USP32: variants seen among roughly 807,000 people sequenced by gnomAD.
The protein encoded by USP32 is ubiquitin specific peptidase 32, also known as ubiquitin carboxyl-terminal hydrolase 32.
USP32 carries 59 observed loss-of-function variants against 204.8 expected under a neutral mutation model. The observed-to-expected ratio is 0.29, with a 90% CI of 0.23 to 0.36. The LOEUF (loss-of-function observed/expected upper bound fraction) is 0.36. Among genes scored for constraint, USP32 ranks in the 10% least tolerant of loss-of-function variants. The pLI is 1.00. For missense variants in USP32, 1,160 were observed against 1,946.4 expected (o/e 0.60, Z 7.60); for synonymous variants, 517 against 678.4 (o/e 0.76, Z 3.70).
chr17:60,422,013 T>TACCCAGC (rs111330712), intron 1 of USP32: 43,521 of 908,084 alleles, frequency 0.048, 5,073 homozygotes, highest in African/African-American at 0.4. Context: ...TCCCACCCAG[T>TACCCAGC]ACCCAGCACC....
At chr17:60,286,260 A>C (rs546894997) in intron 5 of USP32, among the ~76,000 whole-genome samples, 1 of 152,194 alleles carries the variant, frequency 6.6e-6, no homozygotes, top group South Asian at 2.1e-4. Flanking sequence ...CCAAACATTC[A>C]TGATTATCTG....
rs1036213804 is a variant in USP32 at position 60,185,182 on chromosome 17, G to A, written c.3834+278C>T. Among the ~76,000 whole-genome samples, 4 of 152,166 alleles carry A rather than the reference G, an allele frequency of 2.6e-5. 1 individual carries two copies. In the East Asian group the frequency reaches 7.7e-4, roughly 29 times the overall value. ...CTCTCTTGAAGTTCAAATTCACCAC[G>A]TTGTACCCCTTGTGGCAGTTCTCAC... On this transcript the variant is annotated intron_variant, in intron 30 of 33. Coordinates refer to ENST00000300896, the MANE Select transcript of USP32 (RefSeq NM_032582.4).
chr17:60,352,547 G>GT (rs1245413780), intron 1 of USP32, among the ~76,000 whole-genome samples: 1 of 152,034 alleles, frequency 6.6e-6, no homozygotes, highest in Admixed American at 6.6e-5. Flanking sequence ...ACTGATAAAG[G>GT]TATCAGGTAC....
At chr17:60,226,773 T>C (rs1233368744) in intron 12 of USP32, among the ~76,000 whole-genome samples, 2 of 152,130 alleles carry the variant, frequency 1.3e-5, no homozygotes, top group East Asian at 3.9e-4. Flanking sequence ...TATACCTATG[T>C]GACCTTCTAC....
At chr17:60,248,782 G>A (rs1239638753) in intron 11 of USP32, among the ~76,000 whole-genome samples, 4 of 152,114 alleles carry the variant, frequency 2.6e-5, no homozygotes, top group Non-Finnish European at 5.9e-5. Flanking sequence ...TGAAGTCTTT[G>A]TGTGCTAAGG....
chr17:60,340,052 G>A (rs149054239), intron 2 of USP32, among the ~76,000 whole-genome samples: 1,570 of 152,128 alleles, frequency 0.01, 12 homozygotes, highest in Non-Finnish European at 0.018. Context: ...GAATAATGAT[G>A]CTCTGTTTAC....
chr17:60,254,062 T>G (rs116859201), intron 10 of USP32, among the ~76,000 whole-genome samples: 2,309 of 152,312 alleles, frequency 0.015, 28 homozygotes, highest in Non-Finnish European at 0.025. Context: ...TTGTTTAAAA[T>G]GGTAGATCAT....
intron 4 of USP32, among the ~76,000 whole-genome samples, chr17:60,291,840 A>T (rs1473718116): frequency 2.0e-5 from 3 of 152,120 alleles, no homozygotes; most frequent in African/African-American, 7.2e-5. Context: ...AGATCTTATT[A>T]AAAACACCAC....
At chr17:60,300,714 C>T (rs1443155264) in intron 3 of USP32, among the ~76,000 whole-genome samples, 2 of 151,880 alleles carry the variant, frequency 1.3e-5, no homozygotes, top group Admixed American at 1.3e-4. Context: ...TAAAATTCAC[C>T]CTTTTAAAAT....
intron 1 of USP32, among the ~76,000 whole-genome samples, chr17:60,364,183 C>T (rs1417818012): frequency 6.6e-6 from 1 of 152,122 alleles, no homozygotes; most frequent in African/African-American, 2.4e-5. Flanking sequence ...AAAGCAAGTT[C>T]TCTCAGGCCT....
At chr17:60,278,210 T>TA (rs565709644) in intron 5 of USP32, among the ~76,000 whole-genome samples, 22 of 152,168 alleles carry the variant, frequency 1.4e-4, no homozygotes, top group African/African-American at 4.8e-4. Context: ...AGACAATAAA[T>TA]AAAAATTTTA....
chr17:60,315,622 T>G (rs1243686765), intron 2 of USP32, among the ~76,000 whole-genome samples: 1 of 152,104 alleles, frequency 6.6e-6, no homozygotes, highest in African/African-American at 2.4e-5. Flanking sequence ...GATACTTGTA[T>G]GCCAATATTC....
chr17:60,366,323 T>A (rs2089312730), intron 1 of USP32, among the ~76,000 whole-genome samples: 1 of 152,034 alleles, frequency 6.6e-6, no homozygotes, highest in Non-Finnish European at 1.5e-5. Context: ...CAGGCCCAGC[T>A]AATTTTTGTA....
intron 4 of USP32, among the ~76,000 whole-genome samples, chr17:60,292,286 C>A (rs1019180524): frequency 6.6e-6 from 1 of 152,086 alleles, no homozygotes; most frequent in Non-Finnish European, 1.5e-5. Flanking sequence ...TGTTTTCTAT[C>A]TAAACTTACT....
chr17:60,234,850 T>G (rs529750018), intron 12 of USP32, among the ~76,000 whole-genome samples: 24 of 152,254 alleles, frequency 1.6e-4, no homozygotes, highest in African/African-American at 5.8e-4. Flanking sequence ...GTCCCGAGAT[T>G]ACAGGCCCAG....
intron 2 of USP32, among the ~76,000 whole-genome samples, chr17:60,327,365 C>G (rs1313560574): frequency 1.3e-5 from 2 of 149,012 alleles, no homozygotes; most frequent in African/African-American, 4.9e-5. Flanking sequence ...CTGTGCTCCA[C>G]GTCACCGAAG....
At chr17:60,387,945 G>GCA (rs2089759200) in intron 1 of USP32, among the ~76,000 whole-genome samples, 1 of 152,052 alleles carries the variant, frequency 6.6e-6, no homozygotes. Context: ...TATAGCTTCT[G>GCA]CACCATCGTA....
At chr17:60,191,847 G>A (rs2084390171) in intron 28 of USP32, among the ~76,000 whole-genome samples, 1 of 152,146 alleles carries the variant, frequency 6.6e-6, no homozygotes, top group Admixed American at 6.5e-5. Context: ...GTCTATTGCA[G>A]TTCTCTAAAG....
intron 29 of USP32, among the ~76,000 whole-genome samples, chr17:60,186,603 T>C (rs934589338): frequency 6.6e-6 from 1 of 152,222 alleles, no homozygotes; most frequent in African/African-American, 2.4e-5. Flanking sequence ...CAAAAGAGTG[T>C]GCTGCTTTTG....
Sources: gnomAD v4.1 joint callset for allele counts (sites outside exome capture counted in the v4.1 genomes callset) on GRCh38, gnomAD v4.1.1 for gene constraint, MANE v1.5 for transcripts, NCBI Gene and HGNC (gene_info 2026-07-23, HGNC 2026-07-21) for gene names.